FCHSD1: variants seen among roughly 807,000 people sequenced by gnomAD.
FCHSD1 encodes FCH and double SH3 domains 1.
FCHSD1 carries 109 observed loss-of-function variants against 101.3 expected under a neutral mutation model. That is an observed-to-expected ratio of 1.08 (90% confidence interval 0.92 to 1.26). The LOEUF (loss-of-function observed/expected upper bound fraction) is 1.26. Ranked by LOEUF, FCHSD1 falls within the 50% of genes most tolerant of loss-of-function variation. The pLI, the probability that FCHSD1 is intolerant of heterozygous loss-of-function variation, is 0.00. For synonymous variants in FCHSD1, 291 were observed against 356.8 expected (o/e 0.82, Z 2.08); for missense variants, 820 against 895.8 (o/e 0.92, Z 1.08).
In FCHSD1 at chr5:141,640,679, A is replaced by G. The variant is rs2154598261; in HGVS notation, c.*819T>C. On this transcript the variant is annotated 3_prime_UTR_variant, in exon 20 of 20. Coordinates refer to ENST00000435817, the MANE Select transcript of FCHSD1 (RefSeq NM_033449.3). ...TCTTCCTCTTCTCCAAGTCTCCTTC[A>G]TTGTGCTGATGGACTACCAGCTGGC... The G allele has an allele frequency of 1.3e-6, 2 of 1,535,456 alleles. No homozygotes were observed. Among genetic ancestry groups the G allele is most frequent in the East Asian group, 2.4e-5 (1 of 40,896 alleles).
chr5:141,650,431 G>A (rs1296564512), intron 2 of FCHSD1, 27 bp from the exon 3 acceptor site: 2 of 1,613,902 alleles, frequency 1.2e-6, no homozygotes, highest in Non-Finnish European at 1.7e-6. Flanking sequence ...TCGGGGGTGA[G>A]GTGGGGGATA....
At chr5:141,648,200 C>T in intron 7 of FCHSD1, 104 bp from the exon 8 acceptor site, 1 of 1,395,870 alleles carries the variant, frequency 7.2e-7, no homozygotes, top group Non-Finnish European at 9.6e-7. Context: ...TTATTGAGTG[C>T]TTACTATGTG....
intron 18 of FCHSD1, chr5:141,642,368 A>G (rs251180): frequency 0.14 from 92,494 of 684,576 alleles, 7,781 homozygotes; most frequent in African/African-American, 0.31. Context: ...AGGTAGGAGT[A>G]GAGGCAGGGG....
In FCHSD1 at chr5:141,645,813, C is replaced by T; in HGVS notation, c.1269G>A (p.Arg423=). The T allele has an allele frequency of 6.2e-7, 1 of 1,610,540 alleles. No individual in the cohort carries two copies. The highest frequency in any genetic ancestry group is 8.5e-7 in the Non-Finnish European group (1 of 1,178,474). ...QAQDEVEQER[R]LSEARLSQRD... is the part of the protein sequence containing the mutation. The stretch of plus-strand genomic sequence containing the variant: ...TCTGGGACAGCCGAGCCTCACTGAG[C>T]CGCCGCTCCTGCTCCACCTCATCCT... The change falls in exon 13 of 20, where the codon CGG becomes CGA. Residue 423 remains arginine (R), a synonymous_variant. Transcript: ENST00000435817.
rs763634680 is a variant in FCHSD1 at position 141,644,704 on chromosome 5, A to G, written c.1525-14T>C. ...CTGGTTCCGAGCCTGCTCACCCAGC[A>G]ATGTGAACAGATATTAGACTTACCT... On this transcript the variant is annotated splice_polypyrimidine_tract_variant and intron_variant, in intron 15 of 19. Coordinates refer to ENST00000435817, the MANE Select transcript of FCHSD1 (RefSeq NM_033449.3). The G allele has an allele frequency of 1.2e-6, 2 of 1,613,744 alleles. No individual in the cohort carries two copies. The highest frequency in any genetic ancestry group is 1.7e-6 in the Non-Finnish European group (2 of 1,179,692).
At chr5:141,650,439 A>G in intron 2 of FCHSD1, 35 bp from the exon 3 acceptor site, 2 of 1,613,422 alleles carry the variant, frequency 1.2e-6, no homozygotes, top group South Asian at 1.1e-5. Context: ...GAGGTGGGGG[A>G]TAAGGTTATG....
Position 141,649,795 on chromosome 5 carries a change from C to G in FCHSD1, c.233+92G>C. On this transcript the variant is annotated intron_variant, in intron 4 of 19. Coordinates refer to ENST00000435817, the MANE Select transcript of FCHSD1 (RefSeq NM_033449.3). This position sits in a 1 kb window ranked among gnomAD's most constrained non-coding sequence, Gnocchi z 4.1. ...TCTACCTACAGCTCACGTGCCTTCCCCACTTGCTAGGCCTTCATCCCCACA... is the reference window on the plus strand; with the variant it reads ...TCTACCTACAGCTCACGTGCCTTCCGCACTTGCTAGGCCTTCATCCCCACA... 1 of 1,440,042 alleles carries G rather than the reference C, an allele frequency of 6.9e-7. No homozygotes were observed. Among genetic ancestry groups the G allele is most frequent in the Non-Finnish European group, 9.3e-7 (1 of 1,070,424 alleles). The allele number at this position is 1,440,042 out of a possible 1,614,324, so 89.2% of individuals were successfully genotyped here.
intron 7 of FCHSD1, 123 bp from the exon 8 acceptor site, chr5:141,648,219 T>A: frequency 8.0e-7 from 1 of 1,252,730 alleles, no homozygotes; most frequent in Non-Finnish European, 1.1e-6. Context: ...TGCCTGGCAC[T>A]ACACTAAAAA....
chr5:141,647,618 A>G (rs1419621654), intron 8 of FCHSD1, 98 bp from the exon 9 acceptor site: 1 of 1,545,028 alleles, frequency 6.5e-7, no homozygotes, highest in East Asian at 2.3e-5. Flanking sequence ...CATGAGGTAT[A>G]GGAAGGAGAG....
In FCHSD1 at chr5:141,641,373, AGGTG is replaced by A; in HGVS notation, c.*121_*124del. On this transcript the variant is annotated 3_prime_UTR_variant, in exon 20 of 20. Coordinates refer to ENST00000435817, the MANE Select transcript of FCHSD1 (RefSeq NM_033449.3). ...GGAAGGGGCAAGTTTCCACCCTTGG[AGGTG>A]AGGGTGGAAATAAGGGCGATTCCAG... The A allele has an allele frequency of 1.2e-5, 10 of 835,412 alleles. No homozygotes were observed. Among genetic ancestry groups the A allele is most frequent in the Non-Finnish European group, 1.6e-5 (9 of 569,832 alleles). The allele number at this position is 835,412 out of a possible 1,614,324, so 51.7% of individuals were successfully genotyped here.
intron 13 of FCHSD1, 116 bp downstream of exon 13, chr5:141,645,655 C>T (rs1485414720): frequency 1.6e-6 from 2 of 1,246,786 alleles, no homozygotes; most frequent in African/African-American, 3.0e-5. Flanking sequence ...TTCACTTAAG[C>T]CTCGTAATAA....
chr5:141,647,181 A>G lies in FCHSD1; in HGVS notation c.878T>C (p.Phe293Ser). ...LKLFLQEPGV[F>S]SPTPPQQFQP... ...AAACTGCTGAGGTGGGGTGGGGGAA[A>G]ATACACCAGGCTCCTGAAGAAACAG... Residue 293 changes from phenylalanine (F) to serine (S), a missense_variant, in exon 10 of 20, where the codon TTT becomes TCT. Coordinates refer to ENST00000435817, the MANE Select transcript of FCHSD1 (RefSeq NM_033449.3). 4 of 1,610,148 alleles carry G rather than the reference A, an allele frequency of 2.5e-6. No individual in the cohort carries two copies. The Middle Eastern group carries it at 5.0e-4, about 199-fold the overall frequency.
At position 141,644,260 on chromosome 5, in the gene FCHSD1, C is replaced by A. The variant is rs1200010102; in HGVS notation, c.1821G>T (p.Leu607=). 1.2e-6 allele frequency: 2 copies of A among 1,613,188 alleles called. No individual in the cohort carries two copies. Among genetic ancestry groups the A allele is most frequent in the African/African-American group, 1.3e-5 (1 of 74,906 alleles). The change falls in exon 17 of 20, where the codon CTG becomes CTT. Residue 607 remains leucine (L), a synonymous_variant. Coordinates refer to ENST00000435817, the MANE Select transcript of FCHSD1 (RefSeq NM_033449.3). ...GTTCAGGTGGCCCTGGGGGGCCAAG[C>A]AGCTCTTCCACCAGCAGGGAGGGGA... ...GVFPSLLVEE[L]LGPPGPPELS... is the part of the protein sequence containing the mutation.
chr5:141,640,998 G>A lies in FCHSD1; in HGVS notation c.*500C>T, dbSNP rs894869747. 1.4e-5 allele frequency: 6 copies of A among 426,588 alleles called. No individual in the cohort carries two copies. Among genetic ancestry groups the A allele is most frequent in the Non-Finnish European group, 2.1e-5 (5 of 241,250 alleles). The allele number at this position is 426,588 out of a possible 1,614,324, so 26.4% of individuals were successfully genotyped here. ...TAGGCCCCCTGCCCTCTTAGCACAA[G>A]AGGCCCAGGCCCTGGCCTGGCCTTC... On this transcript the variant is annotated 3_prime_UTR_variant, in exon 20 of 20. Coordinates refer to ENST00000435817, the MANE Select transcript of FCHSD1 (RefSeq NM_033449.3).
chr5:141,650,278 T>A, intron 3 of FCHSD1, 81 bp downstream of exon 3: 1 of 1,574,772 alleles, frequency 6.4e-7, no homozygotes, highest in Non-Finnish European at 8.7e-7. Context: ...TTGACCACAA[T>A]AGGGATAGGT....
chr5:141,650,238 A>T, intron 3 of FCHSD1, 121 bp downstream of exon 3: 1 of 1,293,474 alleles, frequency 7.7e-7, no homozygotes, highest in Non-Finnish European at 1.1e-6. Context: ...GGGATCTGAC[A>T]CCAGTCTGCT....
chr5:141,644,301 C>T lies in FCHSD1; in HGVS notation c.1780G>A (p.Gly594Ser), dbSNP rs1312940106. The T allele has an allele frequency of 6.2e-7, 1 of 1,613,696 alleles. No individual in the cohort carries two copies. Among genetic ancestry groups the T allele is most frequent in the African/African-American group, 1.3e-5 (1 of 74,894 alleles). ...AGGGAGGGGAAGACCCCAACACGGC[C>T]CCCAAATTCTCCCCTCCAGAAGCCG... Reference protein sequence around the residue: ...DDGFWRGEFGGRVGVFPSLLV... With the variant: ...DDGFWRGEFGSRVGVFPSLLV... The change falls in exon 17 of 20, where the codon GGC (glycine) becomes AGC (serine). Residue 594 changes from glycine (G) to serine (S), a missense_variant. Coordinates refer to ENST00000435817, the MANE Select transcript of FCHSD1 (RefSeq NM_033449.3).
In FCHSD1 at chr5:141,641,315, G is replaced by GA. The variant is rs939938761; in HGVS notation, c.*182dup. On this transcript the variant is annotated 3_prime_UTR_variant, in exon 20 of 20. Coordinates refer to ENST00000435817, the MANE Select transcript of FCHSD1 (RefSeq NM_033449.3). ...GGTCCTAGAGATGATAGAACAATGG[G>GA]AAAAAAAGGAGTGGGTTCCAGCTCT... 9 of 525,646 alleles carry GA rather than the reference G, an allele frequency of 1.7e-5. No homozygotes were observed. Among genetic ancestry groups the GA allele is most frequent in the Admixed American group, 7.1e-5 (2 of 28,022 alleles). 32.6% of individuals were successfully genotyped at this position (525,646 alleles called of 1,614,324 possible). A position where few individuals can be genotyped will look rare whatever the true frequency, so the allele number is the denominator to read the frequency against.
chr5:141,642,602 T>C (rs2099907067), intron 18 of FCHSD1: 2 of 546,000 alleles, frequency 3.7e-6, no homozygotes, highest in South Asian at 2.4e-5. Context: ...ATCTGGACAC[T>C]AGGAGCAAAA....
Sources: allele counts gnomAD v4.1 joint callset, GRCh38; gene constraint gnomAD v4.1.1; non-coding constraint Gnocchi (gnomAD v3.1); transcripts MANE v1.5; gene names NCBI Gene and HGNC (gene_info 2026-07-23, HGNC 2026-07-21).